Variants in MAN2A2 observed in about 807,000 individuals in gnomAD.
The protein encoded by MAN2A2 is alpha-mannosidase 2x.
MAN2A2 carries 79 observed loss-of-function variants against 126.8 expected under a neutral mutation model. The ratio of observed to expected loss-of-function variants is 0.62; its 90% CI spans 0.52 to 0.75. MAN2A2 has a LOEUF of 0.75. MAN2A2 is among the 30% of genes least tolerant of loss of function. The pLI is 0.00. For missense variants in MAN2A2, 1,392 were observed against 1,522.4 expected, an observed-to-expected ratio of 0.91 and a Z score of 1.43; for synonymous variants, 671 against 618.7, an observed-to-expected ratio of 1.08 and a Z score of -1.25.
rs941337461 is a variant in MAN2A2 at position 90,913,649 on chromosome 15, C to T, written c.2754C>T (p.Leu918=). ...QPRRYLKKLP[L]QANFYPMPVM... ...GACGGTATCTGAAGAAGCTCCCCCT[C>T]CAGGCCAACTTCTACCCCATGCCAG... The change falls in exon 19 of 23, where the codon CTC becomes CTT. Residue 918 remains leucine (L), a synonymous_variant. Transcript: ENST00000559717. The T allele has an allele frequency of 1.2e-6, 2 of 1,612,662 alleles. No homozygotes were observed. Among genetic ancestry groups the T allele is most frequent in the Admixed American group, 1.7e-5 (1 of 59,832 alleles).
chr15:90,909,925 A>G (rs2034593747), intron 9 of MAN2A2, among the ~76,000 whole-genome samples, 165 bp from the exon 10 acceptor site: 1 of 152,158 alleles, frequency 6.6e-6, no homozygotes. Flanking sequence ...TTTATGTCAG[A>G]ATTAATTCCC....
intron 7 of MAN2A2, 68 bp downstream of exon 7, chr15:90,906,981 G>A: frequency 3.8e-6 from 6 of 1,560,382 alleles, no homozygotes; most frequent in Non-Finnish European, 5.3e-6. Context: ...AGGGATATCA[G>A]AACTAAGACC....
chr15:90,918,785 G>C lies in MAN2A2; in HGVS notation c.3300+30G>C, dbSNP rs1210104066. 35 of 1,446,870 alleles carry C rather than the reference G, an allele frequency of 2.4e-5. No homozygotes were observed. The Admixed American group carries it at 2.9e-4, about 12-fold the overall frequency. 89.6% of individuals were successfully genotyped at this position (1,446,870 alleles called of 1,614,324 possible). ...GTAGGGTGGGGAAACAGAGCACCTA[G>C]GAATGGCAGGCATGAGCTTGGTAAG... On this transcript the variant is annotated intron_variant, in intron 22 of 22. Transcript: ENST00000559717.
At chr15:90,910,352 A>AG (rs1204445552) in intron 10 of MAN2A2, 60 bp downstream of exon 10, 2 of 1,599,276 alleles carry the variant, frequency 1.3e-6, no homozygotes, top group Non-Finnish European at 8.6e-7. Flanking sequence ...GGGTTTAAGG[A>AG]GGGGCTGGAT....
upstream of MAN2A2, chr15:90,903,164 G>A (rs771167123): frequency 2.6e-5 from 4 of 152,390 alleles, no homozygotes; most frequent in African/African-American, 9.6e-5. Flanking sequence ...GGTGGGGAGG[G>A]AGCCGGGCGG....
chr15:90,908,728 A>G (rs1405747777), intron 8 of MAN2A2, among the ~76,000 whole-genome samples: 2 of 151,924 alleles, frequency 1.3e-5, no homozygotes, highest in Non-Finnish European at 2.9e-5. Flanking sequence ...GATGTGCACC[A>G]CCACACCCGG....
chr15:90,904,047 C>G (rs769514009), intron 1 of MAN2A2, 143 bp from the exon 2 acceptor site: 2 of 880,120 alleles, frequency 2.3e-6, no homozygotes, highest in Non-Finnish European at 3.8e-6. Flanking sequence ...GGGCCAGCCT[C>G]AGATGTGCTG....
intron 7 of MAN2A2, 54 bp from the exon 8 acceptor site, chr15:90,907,255 C>A (rs554233541): frequency 1.7e-5 from 27 of 1,551,808 alleles, no homozygotes; most frequent in East Asian, 2.3e-5. Context: ...TCCTTGCCCC[C>A]CTGGCGTCCA....
chr15:90,915,732 G>C (rs2035118422), intron 19 of MAN2A2, among the ~76,000 whole-genome samples: 1 of 152,242 alleles, frequency 6.6e-6, no homozygotes, highest in African/African-American at 2.4e-5. Flanking sequence ...AGATTACGGA[G>C]GTGTGCAGCA....
intron 8 of MAN2A2, among the ~76,000 whole-genome samples, chr15:90,908,857 T>C (rs1224417963): frequency 1.3e-5 from 2 of 152,186 alleles, no homozygotes; most frequent in East Asian, 1.9e-4. Flanking sequence ...ATTACAGGTG[T>C]GAGCCACTGC....
At chr15:90,906,279 G>C (rs1206783121) in intron 5 of MAN2A2, 91 bp from the exon 6 acceptor site, 58 of 1,521,608 alleles carry the variant, frequency 3.8e-5, no homozygotes, top group Non-Finnish European at 4.9e-5. Context: ...CTGGTCCAGT[G>C]AGGCCAGTGC....
At position 90,913,730 on chromosome 15, in the gene MAN2A2, C is replaced by A. The variant is rs753220027; in HGVS notation, c.2835C>A (p.Ala945=). 1.0e-5 allele frequency: 16 copies of A among 1,599,544 alleles called. No individual in the cohort carries two copies. The highest frequency in any genetic ancestry group is 1.4e-5 in the Non-Finnish European group (16 of 1,172,374). The change falls in exon 19 of 23, where the codon GCC becomes GCA. Residue 945 remains alanine (A), a synonymous_variant. Coordinates refer to ENST00000559717, the MANE Select transcript of MAN2A2 (RefSeq NM_006122.4). ...GCCTCACGCTGCACACTGCCCAGGC[C>A]CTGGGTGTCTCTAGCCTCAAAGATG... ...QKRLTLHTAQ[A]LGVSSLKDGQ...
At position 90,918,713 on chromosome 15, in the gene MAN2A2, G is replaced by A. The variant is rs1260446987; in HGVS notation, c.3258G>A (p.Glu1086=). 1.3e-6 allele frequency: 2 copies of A among 1,521,790 alleles called. No individual in the cohort carries two copies. The highest frequency in any genetic ancestry group is 1.7e-4 in the Middle Eastern group (1 of 5,892). The allele number at this position is 1,521,790 out of a possible 1,614,324, so 94.3% of individuals were successfully genotyped here. A position where few individuals can be genotyped will look rare whatever the true frequency, so the allele number is the denominator to read the frequency against. The stretch of plus-strand genomic sequence containing the variant: ...GCAAGGGTTTTGACTGCGGCCTGGA[G>A]GCCAAGAACTTGGGCTTCAACTGCA... ...LHRKGFDCGL[E]AKNLGFNCTT... The change falls in exon 22 of 23, where the codon GAG becomes GAA. Residue 1086 remains glutamate, a synonymous_variant. Transcript: ENST00000559717.
intron 19 of MAN2A2, among the ~76,000 whole-genome samples, chr15:90,914,443 T>C (rs1284559037): frequency 1.3e-5 from 2 of 152,240 alleles, no homozygotes; most frequent in African/African-American, 4.8e-5. Flanking sequence ...CTCAGTGTTA[T>C]GAAATATTAA....
intron 7 of MAN2A2, 72 bp from the exon 8 acceptor site, chr15:90,907,237 T>C: frequency 1.3e-6 from 2 of 1,481,948 alleles, no homozygotes; most frequent in Non-Finnish European, 1.9e-6. Flanking sequence ...GCCTTTAGCC[T>C]GAACAGATCC....
Position 90,904,665 on chromosome 15 carries a change from C to T in MAN2A2, c.132+326C>T, listed in dbSNP as rs554372100. ...AGTGCAGTGGCGCGATCTTGGCTCA[C>T]TGCAACCTCCGCCTCCCAGGTTCAA... On this transcript the variant is annotated intron_variant, in intron 2 of 22. Transcript: ENST00000559717. Among the ~76,000 whole-genome samples, 49 of 151,864 alleles carry T rather than the reference C, an allele frequency of 3.2e-4. No homozygotes were observed. The Middle Eastern group carries it at 0.01, about 32-fold the overall frequency.
intron 18 of MAN2A2, 37 bp from the exon 19 acceptor site, chr15:90,913,577 C>T (rs759277456): frequency 1.9e-6 from 3 of 1,591,890 alleles, no homozygotes; most frequent in Admixed American, 3.5e-5. Flanking sequence ...CCACATGGTG[C>T]CCGGGTGCCC....
intron 12 of MAN2A2, 84 bp downstream of exon 12, chr15:90,911,045 T>C: frequency 6.8e-7 from 1 of 1,478,010 alleles, no homozygotes; most frequent in East Asian, 2.3e-5. Context: ...GTGCCGCTTC[T>C]CTTTTTCCTT....
chr15:90,910,806 A>G (rs374142947), intron 11 of MAN2A2, 41 bp from the exon 12 acceptor site: 2 of 1,601,646 alleles, frequency 1.2e-6, no homozygotes, highest in African/African-American at 1.3e-5. Flanking sequence ...CAGCTTCCCT[A>G]TGGTCATCTT....
Sources: allele counts gnomAD v4.1 joint callset (sites outside exome capture counted in the v4.1 genomes callset), GRCh38; gene constraint gnomAD v4.1.1; transcripts MANE v1.5; gene names NCBI Gene and HGNC (gene_info 2026-07-23, HGNC 2026-07-21).